The following AIF1L variants were observed in gnomAD, a reference collection of about 807,000 sequenced individuals.
The protein encoded by AIF1L is allograft inflammatory factor 1-like.
Under a neutral mutation model 20.7 loss-of-function variants are expected in AIF1L, and 12 were observed. The observed-to-expected ratio is 0.58, with a 90% CI of 0.37 to 0.94. The LOEUF is 0.94. AIF1L is among the 40% of genes least tolerant of loss of function. AIF1L has a pLI of 0.01. For missense variants in AIF1L, 173 were observed against 185.3 expected (o/e 0.93, Z 0.39); for synonymous variants, 76 against 65.1 (o/e 1.17, Z -0.81).
chr9:131,100,898 T>C (rs757433789), intron 2 of AIF1L, among the ~76,000 whole-genome samples: 2 of 152,096 alleles, frequency 1.3e-5, no homozygotes, highest in African/African-American at 2.4e-5. Context: ...GAGGTCTTTT[T>C]TCTTTCTTTC....
intron 3 of AIF1L, chr9:131,112,093 CA>C (rs935946069): frequency 1.1e-4 from 18 of 167,056 alleles, no homozygotes; most frequent in African/African-American, 4.8e-5. Flanking sequence ...CGCAGTGGGG[CA>C]GGGGGGCAGA....
At chr9:131,101,557 C>T (rs1352449564) in intron 2 of AIF1L, among the ~76,000 whole-genome samples, 1 of 151,956 alleles carries the variant, frequency 6.6e-6, no homozygotes, top group African/African-American at 2.4e-5. Context: ...GTTGCCCAGG[C>T]TGGTCTCGAA....
chr9:131,104,065 TC>T (rs1198679986), intron 2 of AIF1L, among the ~76,000 whole-genome samples: 6 of 152,088 alleles, frequency 3.9e-5, no homozygotes, highest in Non-Finnish European at 7.4e-5. Flanking sequence ...GATGCTCTGG[TC>T]CCCGGGGACT....
chr9:131,115,193 T>TTA (rs1830980381), intron 4 of AIF1L, among the ~76,000 whole-genome samples: 1 of 152,166 alleles, frequency 6.6e-6, no homozygotes, highest in Non-Finnish European at 1.5e-5. Flanking sequence ...CTCAAGCCTG[T>TTA]AATCCCAGCA....
In AIF1L at chr9:131,096,983, G is replaced by A. The variant is rs1333138709; in HGVS notation, c.93+120G>A. On this transcript the variant is annotated intron_variant, in intron 2 of 5. Transcript: ENST00000247291. ...TACCCTCTTCCTTCCCTTCCCCTGGGCTTCCCTCAGGTGCCTCCCTCCGCC... is the reference window on the plus strand; with the variant it reads ...TACCCTCTTCCTTCCCTTCCCCTGGACTTCCCTCAGGTGCCTCCCTCCGCC... 7 of 1,179,726 alleles carry A rather than the reference G, an allele frequency of 5.9e-6. 1 individual carries two copies. The African/African-American group carries it at 1.1e-4, about 19-fold the overall frequency. The allele number at this position is 1,179,726 out of a possible 1,614,324, so 73.1% of individuals were successfully genotyped here.
intron 2 of AIF1L, among the ~76,000 whole-genome samples, chr9:131,102,621 G>A (rs1830662726): frequency 6.6e-6 from 1 of 152,220 alleles, no homozygotes; most frequent in South Asian, 2.1e-4. Context: ...ATAGCTGCTT[G>A]GGAGTTTTTC....
chr9:131,119,581 T>A (rs1831092363), intron 5 of AIF1L, among the ~76,000 whole-genome samples: 1 of 151,834 alleles, frequency 6.6e-6, no homozygotes, highest in South Asian at 2.1e-4. Flanking sequence ...TTTTTTAAAG[T>A]ACGAATGTAA....
At chr9:131,112,168 G>A (rs946608528) in intron 3 of AIF1L, 5 of 158,688 alleles carry the variant, frequency 3.2e-5, no homozygotes, top group African/African-American at 1.2e-4. Context: ...GAGCCGGCGC[G>A]GGGAGAGGGG....
chr9:131,117,854 G>A lies in AIF1L; in HGVS notation c.301G>A (p.Asp101Asn), dbSNP rs140648753. 166 of 1,614,164 alleles carry A rather than the reference G, an allele frequency of 1.0e-4. No individual in the cohort carries two copies. The African/African-American group carries it at 1.9e-3, about 19-fold the overall frequency. ...CTCAGAGGTGACAGGAGGGGTCAGT[G>A]ACACTATATCCTACCGAGACTTTGT... ...MISEVTGGVSDTISYRDFVNM... is the reference protein window; with the variant it reads ...MISEVTGGVSNTISYRDFVNM... Residue 101 changes from aspartate to asparagine, a missense_variant, in exon 5 of 6, where the codon GAC becomes AAC. By Grantham distance (23) the Asp-to-Asn change is conservative. Transcript: ENST00000247291.
intron 4 of AIF1L, among the ~76,000 whole-genome samples, chr9:131,117,267 A>C (rs1160650885): frequency 6.6e-6 from 1 of 152,138 alleles, no homozygotes; most frequent in Non-Finnish European, 1.5e-5. Flanking sequence ...GGCACCCAGC[A>C]GAGTTACTTT....
intron 2 of AIF1L, among the ~76,000 whole-genome samples, chr9:131,104,624 C>T (rs542377153): frequency 4.6e-5 from 7 of 152,298 alleles, no homozygotes; most frequent in East Asian, 1.9e-4. Flanking sequence ...GCCTACTCCA[C>T]GGGGAGGGGG....
At chr9:131,104,046 C>T (rs1013325351) in intron 2 of AIF1L, among the ~76,000 whole-genome samples, 1 of 152,164 alleles carries the variant, frequency 6.6e-6, no homozygotes, top group African/African-American at 2.4e-5. Flanking sequence ...CTCCCAGGCC[C>T]CAGCCTTGGA....
At chr9:131,098,609 C>T (rs1830574892) in intron 2 of AIF1L, among the ~76,000 whole-genome samples, 1 of 151,944 alleles carries the variant, frequency 6.6e-6, no homozygotes, top group Non-Finnish European at 1.5e-5. Flanking sequence ...CGGGGCCAAC[C>T]TAGCCCTTGG....
At chr9:131,105,615 G>A (rs1222060090) in intron 2 of AIF1L, among the ~76,000 whole-genome samples, 1 of 152,142 alleles carries the variant, frequency 6.6e-6, no homozygotes, top group African/African-American at 2.4e-5. Flanking sequence ...AAAGTGCTGG[G>A]ATTACAGGCG....
Position 131,114,767 on chromosome 9 carries a change from C to T in AIF1L, c.202+149C>T, listed in dbSNP as rs1830971965. The T allele has an allele frequency of 3.0e-6, 3 of 986,780 alleles. No homozygotes were observed. The Admixed American group carries it at 5.4e-5, about 18-fold the overall frequency. The allele number at this position is 986,780 out of a possible 1,614,324, so 61.1% of individuals were successfully genotyped here. On this transcript the variant is annotated intron_variant, in intron 4 of 5. Coordinates refer to ENST00000247291, the MANE Select transcript of AIF1L (RefSeq NM_031426.4). ...CCAGCCCCAGCCCCTTGCCTTCTGC[C>T]CTGGCACCACTGCCCTCAGACTCCT...
Position 131,121,040 on chromosome 9 carries a change from G to A in AIF1L, c.*718G>A, listed in dbSNP as rs1831125445. On this transcript the variant is annotated 3_prime_UTR_variant, in exon 6 of 6. Transcript: ENST00000247291. Reference sequence around the variant, plus strand: ...TACTGTCCCTTACTGGGGCAGCAGAGGGCTTCGGAGGCAGAAGTGAGGCCT... The same window carrying A: ...TACTGTCCCTTACTGGGGCAGCAGAAGGCTTCGGAGGCAGAAGTGAGGCCT... 1 of 696,936 alleles carries A rather than the reference G, an allele frequency of 1.4e-6. No individual in the cohort carries two copies. Among genetic ancestry groups the A allele is most frequent in the Admixed American group, 2.1e-5 (1 of 48,022 alleles). The allele number at this position is 696,936 out of a possible 1,614,324, so 43.2% of individuals were successfully genotyped here. A position where few individuals can be genotyped will look rare whatever the true frequency, so the allele number is the denominator to read the frequency against.
chr9:131,109,894 C>T (rs1274780662), intron 2 of AIF1L, among the ~76,000 whole-genome samples: 1 of 152,066 alleles, frequency 6.6e-6, no homozygotes, highest in Non-Finnish European at 1.5e-5. Flanking sequence ...TCAGTTTCCT[C>T]ACCTGCAAAA....
chr9:131,109,795 T>C (rs1830835858), intron 2 of AIF1L, among the ~76,000 whole-genome samples: 1 of 152,188 alleles, frequency 6.6e-6, no homozygotes, highest in Admixed American at 6.5e-5. Flanking sequence ...GATGAACACC[T>C]GCAATCTGCC....
At chr9:131,118,940 C>T (rs1252573525) in intron 5 of AIF1L, among the ~76,000 whole-genome samples, 1 of 152,200 alleles carries the variant, frequency 6.6e-6, no homozygotes, top group Non-Finnish European at 1.5e-5. Flanking sequence ...GCAGGGTTTG[C>T]ATCTTGATGC....
Sources: gnomAD v4.1 joint callset for allele counts (sites outside exome capture counted in the v4.1 genomes callset) on GRCh38, gnomAD v4.1.1 for gene constraint, MANE v1.5 for transcripts, NCBI Gene and HGNC (gene_info 2026-07-23, HGNC 2026-07-21) for gene names.